SLC4A7: variants seen among roughly 807,000 people sequenced by gnomAD.
SLC4A7 encodes the protein solute carrier family 4 member 7.
A neutral mutation model predicts 137.6 loss-of-function variants in SLC4A7; 51 were observed. That is an observed-to-expected ratio of 0.37 (90% CI 0.30 to 0.47). SLC4A7 has a LOEUF of 0.47. Ranked by LOEUF, SLC4A7 falls within the 20% of genes least tolerant of loss-of-function variation. The pLI is 1.00. For missense variants in SLC4A7, 1,247 were observed against 1,525.4 expected (o/e 0.82, Z 3.04); for synonymous variants, 542 against 518.6 (o/e 1.05, Z -0.61).
intron 20 of SLC4A7, 99 bp downstream of exon 20, chr3:27,394,419 A>G: frequency 9.1e-7 from 1 of 1,093,294 alleles, no homozygotes; most frequent in Non-Finnish European, 1.3e-6. Context: ...AACAAACCTA[A>G]TTTTAGGTAT....
chr3:27,474,849 C>T (rs144866694), intron 1 of SLC4A7, among the ~76,000 whole-genome samples: 116 of 152,156 alleles, frequency 7.6e-4, no homozygotes, highest in African/African-American at 2.6e-3. Context: ...AGGCCAGGCG[C>T]GGTGGCTCAC....
At chr3:27,413,423 A>G (rs989984569) in intron 11 of SLC4A7, among the ~76,000 whole-genome samples, 1 of 152,200 alleles carries the variant, frequency 6.6e-6, no homozygotes, top group African/African-American at 2.4e-5. Flanking sequence ...TTATGAAACA[A>G]GTATATTGAT....
At chr3:27,377,058 CTT>C (rs2049963724) in intron 25 of SLC4A7, among the ~76,000 whole-genome samples, 1 of 152,010 alleles carries the variant, frequency 6.6e-6, no homozygotes, top group South Asian at 2.1e-4. Flanking sequence ...TAAAAATCCT[CTT>C]TGCAATTTAA....
intron 2 of SLC4A7, among the ~76,000 whole-genome samples, chr3:27,451,988 T>C (rs1184015395): frequency 6.6e-6 from 1 of 152,108 alleles, no homozygotes; most frequent in East Asian, 1.9e-4. Context: ...AATAACTCAG[T>C]TGCTCTACAA....
chr3:27,418,353 A>G (rs1037033759), intron 11 of SLC4A7, 133 bp downstream of exon 11: 2 of 657,346 alleles, frequency 3.0e-6, no homozygotes, highest in East Asian at 5.9e-5. Context: ...ACAGGAGGTA[A>G]GTATGGGGGT....
chr3:27,445,763 C>CAA (rs71087607), intron 3 of SLC4A7, among the ~76,000 whole-genome samples: 3,579 of 99,534 alleles, frequency 0.036, 97 homozygotes, highest in Non-Finnish European at 0.055. Context: ...ACTAAAAATA[C>CAA]AAAAAAAAAA....
chr3:27,403,000 CA>C (rs2052942245), intron 15 of SLC4A7, 138 bp downstream of exon 15: 1 of 708,128 alleles, frequency 1.4e-6, no homozygotes, highest in Admixed American at 3.3e-5. Flanking sequence ...TCATCTGAAA[CA>C]ACCATGTCAC....
chr3:27,466,806 G>A (rs968447082), intron 1 of SLC4A7, among the ~76,000 whole-genome samples: 8 of 152,164 alleles, frequency 5.3e-5, no homozygotes, highest in East Asian at 1.9e-4. Flanking sequence ...TCAGAGAGCC[G>A]CGATTGCGCC....
At chr3:27,455,962 A>G (rs2058382253) in intron 1 of SLC4A7, among the ~76,000 whole-genome samples, 1 of 152,190 alleles carries the variant, frequency 6.6e-6, no homozygotes, top group Non-Finnish European at 1.5e-5. Context: ...AGCAAAATCA[A>G]ATCTAGTTTT....
intron 12 of SLC4A7, among the ~76,000 whole-genome samples, chr3:27,411,328 A>T (rs2053878731): frequency 6.6e-6 from 1 of 152,094 alleles, no homozygotes. Context: ...GAAGAATTAT[A>T]ATAAGACTCT....
chr3:27,396,064 T>A (rs899616182), intron 18 of SLC4A7, among the ~76,000 whole-genome samples: 22 of 152,220 alleles, frequency 1.4e-4, no homozygotes, highest in African/African-American at 4.8e-4. Flanking sequence ...TTTGGGAGAA[T>A]ACTGCATATA....
chr3:27,470,562 C>G (rs2059196485), intron 1 of SLC4A7, among the ~76,000 whole-genome samples: 1 of 150,268 alleles, frequency 6.7e-6, no homozygotes, highest in Non-Finnish European at 1.5e-5. Flanking sequence ...GAATGTTTAT[C>G]TATAGCAATG....
chr3:27,453,005 TA>T (rs1314398803), intron 1 of SLC4A7, among the ~76,000 whole-genome samples: 1 of 152,180 alleles, frequency 6.6e-6, no homozygotes, highest in Non-Finnish European at 1.5e-5. Context: ...TAACAAAAGT[TA>T]AAAGAACTTT....
At chr3:27,418,306 A>C (rs1412570603) in intron 11 of SLC4A7, among the ~76,000 whole-genome samples, 180 bp downstream of exon 11, 2 of 152,230 alleles carry the variant, frequency 1.3e-5, no homozygotes, top group Non-Finnish European at 2.9e-5. Flanking sequence ...GAAAAATGAA[A>C]AGGATAAACA....
chr3:27,408,676 C>T (rs774791806), intron 13 of SLC4A7, among the ~76,000 whole-genome samples: 8 of 152,082 alleles, frequency 5.3e-5, no homozygotes, highest in Non-Finnish European at 1.2e-4. Context: ...ATATCAACAA[C>T]AACAAAGAAA....
At chr3:27,404,794 T>C (rs13063291) in intron 14 of SLC4A7, 36 bp downstream of exon 14, 1 of 1,485,644 alleles carries the variant, frequency 6.7e-7, no homozygotes, top group East Asian at 2.3e-5. Context: ...ATTTCATATA[T>C]AACACATGTG....
At chr3:27,416,195 G>A (rs2054368348) in intron 11 of SLC4A7, among the ~76,000 whole-genome samples, 1 of 152,178 alleles carries the variant, frequency 6.6e-6, no homozygotes, top group South Asian at 2.1e-4. Flanking sequence ...GAGACAAACT[G>A]CTGATGTGGA....
intron 1 of SLC4A7, among the ~76,000 whole-genome samples, chr3:27,459,631 CACTT>C (rs993973365): frequency 2.6e-4 from 39 of 152,270 alleles, no homozygotes; most frequent in South Asian, 1.0e-3. Flanking sequence ...ATTCATTACA[CACTT>C]ACTGTTTTAT....
At chr3:27,448,579 T>C in intron 3 of SLC4A7, 72 bp downstream of exon 3, 3 of 1,318,514 alleles carry the variant, frequency 2.3e-6, no homozygotes, top group Non-Finnish European at 2.1e-6. Context: ...AAAAGAAATA[T>C]TCAATTAAAA....
Sources: gnomAD v4.1 joint callset for allele counts (sites outside exome capture counted in the v4.1 genomes callset) on GRCh38, gnomAD v4.1.1 for gene constraint, MANE v1.5 for transcripts, NCBI Gene and HGNC (gene_info 2026-07-23, HGNC 2026-07-21) for gene names.